Variants in SACS observed in about 807,000 individuals in gnomAD.
The protein encoded by SACS is sacsin molecular chaperone, also known as sacsin.
SACS carries 197 observed loss-of-function variants against 348.0 expected under a neutral mutation model. The ratio of observed to expected loss-of-function variants is 0.57; its 90% CI spans 0.50 to 0.64. The LOEUF (loss-of-function observed/expected upper bound fraction) is 0.64. Among genes scored for constraint, SACS ranks in the 30% least tolerant of loss-of-function variants. SACS has a pLI of 0.00. For missense variants in SACS, 4,999 were observed against 5,360.8 expected (o/e 0.93, Z 2.11); for synonymous variants, 1,985 against 1,910.6 (o/e 1.04, Z -1.02).
intron 4 of SACS, among the ~76,000 whole-genome samples, 184 bp from the exon 5 acceptor site, chr13:23,368,671 T>C (rs769113949): frequency 2.0e-5 from 3 of 152,176 alleles, no homozygotes; most frequent in Admixed American, 6.5e-5. Context: ...GCAGATTCAA[T>C]TGTATCAAAT....
intron 9 of SACS, among the ~76,000 whole-genome samples, chr13:23,350,723 T>C (rs1869894907): frequency 6.6e-6 from 1 of 152,212 alleles, no homozygotes; most frequent in South Asian, 2.1e-4. Context: ...TAGTTACATG[T>C]CTGTGATGCT....
At chr13:23,427,506 T>C (rs1470913587) in intron 1 of SACS, 1 of 152,356 alleles carries the variant, frequency 6.6e-6, no homozygotes, top group East Asian at 1.9e-4. Context: ...CTACTGTACA[T>C]ATGATCTCAT....
chr13:23,401,083 T>A (rs1157382582), intron 2 of SACS, among the ~76,000 whole-genome samples: 1 of 152,104 alleles, frequency 6.6e-6, no homozygotes, highest in African/African-American at 2.4e-5. Context: ...TCCTAGAAAA[T>A]GTGTCAATAC....
chr13:23,332,810 G>T lies in SACS; in HGVS notation c.11066C>A (p.Pro3689Gln), dbSNP rs148925505. Residue 3689 changes from proline (P) to glutamine (Q), a missense_variant, in exon 10 of 10, where the codon CCA (proline) becomes CAA (glutamine). Coordinates refer to ENST00000382292, the MANE Select transcript of SACS (RefSeq NM_014363.6). The part of the protein sequence containing the change: ...LIKFNGAQVN[P>Q]KFKQCDVLQL... Reference sequence around the variant, plus strand: ...GAGTACATCACATTGCTTGAATTTTGGATTTACCTGTGCTCCATTGAACTT... The same window carrying T: ...GAGTACATCACATTGCTTGAATTTTTGATTTACCTGTGCTCCATTGAACTT... 6.0e-5 allele frequency: 97 copies of T among 1,613,616 alleles called. No individual in the cohort carries two copies. The highest frequency in any genetic ancestry group is 1.6e-4 in the Middle Eastern group (1 of 6,084).
chr13:23,372,993 CCAAA>C (rs1196599818), intron 3 of SACS, among the ~76,000 whole-genome samples: 5 of 152,182 alleles, frequency 3.3e-5, no homozygotes, highest in South Asian at 2.1e-4. Context: ...ACCCCCAATC[CCAAA>C]CAGTCAACAC....
In SACS at chr13:23,341,643, G is replaced by T. The variant is rs536614181; in HGVS notation, c.2233C>A (p.Arg745Ser). 2 of 1,613,314 alleles carry T rather than the reference G, an allele frequency of 1.2e-6. No individual in the cohort carries two copies. The highest frequency in any genetic ancestry group is 2.2e-5 in the South Asian group (2 of 91,082). Residue 745 changes from arginine (R) to serine (S), a missense_variant, in exon 10 of 10, where the codon CGT becomes AGT. Arg to Ser is a moderately radical substitution (Grantham distance 110). Transcript: ENST00000382292. ...GTATTCATTACTTCCTTGATAAGAC[G>T]TGCAAATCGTTCTGGATTTAGAAGC... ...LQLLNPERFA[R>S]LIKEVMNTFW...
chr13:23,369,787 C>T (rs770634690), intron 4 of SACS, among the ~76,000 whole-genome samples: 11 of 151,954 alleles, frequency 7.2e-5, no homozygotes, highest in Non-Finnish European at 1.0e-4. Flanking sequence ...GCTTGTGATC[C>T]GCCCTCCACA....
chr13:23,416,337 A>G (rs911337139), intron 1 of SACS, among the ~76,000 whole-genome samples: 2 of 152,172 alleles, frequency 1.3e-5, no homozygotes, highest in Non-Finnish European at 2.9e-5. Context: ...AATAGGAAAT[A>G]AAGATGAGAG....
chr13:23,331,223 G>C lies in SACS; in HGVS notation c.12653C>G (p.Ser4218Cys), dbSNP rs1234979459. The C allele has an allele frequency of 6.2e-7, 1 of 1,613,798 alleles. No individual in the cohort carries two copies. The highest frequency in any genetic ancestry group is 1.7e-5 in the Admixed American group (1 of 59,984). Residue 4218 changes from serine (S) to cysteine (C), a missense_variant, in exon 10 of 10, where the codon TCT (serine) becomes TGT (cysteine). By Grantham distance (112) the Ser-to-Cys change is moderately radical (BLOSUM62 -1). Coordinates refer to ENST00000382292, the MANE Select transcript of SACS (RefSeq NM_014363.6). ...QEVEREDADN[S>C]SFLGKIYQID... ...CTGATATATCTTTCCTAGAAAACTA[G>C]AATTGTCAGCATCTTCTCTTTCAAC...
chr13:23,329,546 C>G lies in SACS; in HGVS notation c.*590G>C, dbSNP rs746147218. The G allele has an allele frequency of 4.6e-6, 3 of 657,866 alleles. No individual in the cohort carries two copies. Among genetic ancestry groups the G allele is most frequent in the Non-Finnish European group, 8.2e-6 (3 of 367,806 alleles). The allele number at this position is 657,866 out of a possible 1,614,324, so 40.8% of individuals were successfully genotyped here. ...AGATGTAAAGTGCACTCAGTGCACT[C>G]TAAAAAGTACTACCTTCACACTCTT... On this transcript the variant is annotated 3_prime_UTR_variant, in exon 10 of 10. Coordinates refer to ENST00000382292, the MANE Select transcript of SACS (RefSeq NM_014363.6).
In SACS at chr13:23,375,325, C is replaced by G; in HGVS notation, c.21-56G>C. On this transcript the variant is annotated intron_variant, in intron 2 of 9. Transcript: ENST00000382292. ...CTGCGGCTGCCACCCGCCCGCCCAG[C>G]GCCCGCGCGGCCTCCACCCGCGTTA... The G allele has an allele frequency of 2.2e-6, 3 of 1,354,752 alleles. 1 individual carries two copies. The East Asian group carries it at 9.5e-5, about 43-fold the overall frequency. The allele number at this position is 1,354,752 out of a possible 1,614,324, so 83.9% of individuals were successfully genotyped here.
chr13:23,355,413 C>T lies in SACS; in HGVS notation c.1199G>A (p.Gly400Glu). The T allele has an allele frequency of 1.9e-6, 3 of 1,614,132 alleles. No homozygotes were observed. Among genetic ancestry groups the T allele is most frequent in the Non-Finnish European group, 2.5e-6 (3 of 1,180,036 alleles). Residue 400 changes from glycine to glutamate, a missense_variant, in exon 8 of 10, where the codon GGG becomes GAG. This residue lies in a region of SACS where 3,156 missense variants were observed against 3,380.1 expected (regional missense o/e 0.93). Coordinates refer to ENST00000382292, the MANE Select transcript of SACS (RefSeq NM_014363.6). ...GTCAAGCTTACTACTGATCCCTCGCCCACCCACACTGTTACACACCAACCA... is the reference window on the plus strand; with the variant it reads ...GTCAAGCTTACTACTGATCCCTCGCTCACCCACACTGTTACACACCAACCA... The part of the protein sequence containing the change: ...TSWLVCNSVG[G>E]RGISSKLDSL...
intron 5 of SACS, among the ~76,000 whole-genome samples, chr13:23,367,686 C>T (rs377647482): frequency 3.7e-4 from 57 of 152,110 alleles, no homozygotes; most frequent in Non-Finnish European, 6.8e-4. Flanking sequence ...TCTCTGCCTC[C>T]GGGTTCAAGC....
In SACS at chr13:23,334,492, A is replaced by G; in HGVS notation, c.9384T>C (p.Leu3128=). Residue 3128 remains leucine, a synonymous_variant, in exon 10 of 10, where the codon CTT becomes CTC. Coordinates refer to ENST00000382292, the MANE Select transcript of SACS (RefSeq NM_014363.6). ...CAACTAAAAGTTTTAAACTATGAAAAAGTTTTAGATTAGTCTGCTGCAGAC... is the reference window on the plus strand; with the variant it reads ...CAACTAAAAGTTTTAAACTATGAAAGAGTTTTAGATTAGTCTGCTGCAGAC... ...PCRLQQTNLK[L]FHSLKLLVDY... 1 of 1,613,214 alleles carries G rather than the reference A, an allele frequency of 6.2e-7. No individual in the cohort carries two copies. The highest frequency in any genetic ancestry group is 8.5e-7 in the Non-Finnish European group (1 of 1,179,772).
In SACS at chr13:23,394,474, C is replaced by T. The variant is rs146832905; in HGVS notation, c.20+16746G>A. ...CTCACCCCCATTGTGTAGCAATAGC[C>T]CTAAAAAGTCTTCCTCACCATTTAA... On this transcript the variant is annotated intron_variant, in intron 2 of 9. Coordinates refer to ENST00000382292, the MANE Select transcript of SACS (RefSeq NM_014363.6). Among the ~76,000 whole-genome samples, 13 of 152,288 alleles carry T rather than the reference C, an allele frequency of 8.5e-5. No homozygotes were observed. The East Asian group carries it at 2.5e-3, about 29-fold the overall frequency.
In SACS at chr13:23,335,107, A is replaced by C. The variant is rs775363461; in HGVS notation, c.8769T>G (p.Val2923=). ...GTTTTTTTAACTGTATTAGCAATTCAACATATGCAGGAGCTATTAATGCTG... is the reference window on the plus strand; with the variant it reads ...GTTTTTTTAACTGTATTAGCAATTCCACATATGCAGGAGCTATTAATGCTG... ...LMTALIAPAY[V]ELLIQLKKRY... is the part of the protein sequence containing the mutation. Residue 2923 remains valine, a synonymous_variant, in exon 10 of 10, where the codon GTT becomes GTG. Transcript: ENST00000382292. This position sits in a 1 kb window ranked among gnomAD's most constrained non-coding sequence, Gnocchi z 4.7. The C allele has an allele frequency of 4.3e-6, 7 of 1,613,912 alleles. No individual in the cohort carries two copies. In the South Asian group the frequency reaches 6.6e-5, roughly 15 times the overall value.
In SACS at chr13:23,368,429, T is replaced by A; in HGVS notation, c.318A>T (p.Arg106Ser). 1 of 1,613,006 alleles carries A rather than the reference T, an allele frequency of 6.2e-7. No homozygotes were observed. Among genetic ancestry groups the A allele is most frequent in the Non-Finnish European group, 8.5e-7 (1 of 1,179,432 alleles). The part of the protein sequence containing the change: ...LVDFLKDILR[R>S]YPEGGQILKE... ...TAAGAATCTGTCCTCCTTCTGGATA[T>A]CTTCTCAAAATGTCCTTGAGAAAAT... The change falls in exon 5 of 10, where the codon AGA (arginine) becomes AGT (serine). Residue 106 changes from arginine to serine, a missense_variant. Physicochemically the swap from Arg to Ser is moderately radical, Grantham distance 110. Transcript: ENST00000382292.
chr13:23,411,287 T>C lies in SACS; in HGVS notation c.-48A>G. 1 of 1,555,876 alleles carries C rather than the reference T, an allele frequency of 6.4e-7. No individual in the cohort carries two copies. The highest frequency in any genetic ancestry group is 1.1e-5 in the South Asian group (1 of 89,710). On this transcript the variant is annotated 5_prime_UTR_variant, in exon 2 of 10. Coordinates refer to ENST00000382292, the MANE Select transcript of SACS (RefSeq NM_014363.6). ...GTTTGTGAAAACCATGAAAGTACGC[T>C]TCTTTCTTCTGTTTAAGTCTTCCCT... is the stretch of plus-strand genomic sequence containing the variant.
At chr13:23,368,358 TTTTTATCAAAG>T in intron 5 of SACS, 33 bp downstream of exon 5, 1 of 1,415,106 alleles carries the variant, frequency 7.1e-7, no homozygotes, top group Non-Finnish European at 9.8e-7. Context: ...CTTCATCTCA[TTTTTATCAAAG>T]TAAATAACAC....
Sources: allele counts gnomAD v4.1 joint callset (sites outside exome capture counted in the v4.1 genomes callset), GRCh38; gene constraint gnomAD v4.1.1; regional missense constraint gnomAD v4.1.1; non-coding constraint Gnocchi (gnomAD v3.1); transcripts MANE v1.5; gene names NCBI Gene and HGNC (gene_info 2026-07-23, HGNC 2026-07-21).